CNTN4: variants seen among roughly 807,000 people sequenced by gnomAD.
CNTN4 encodes the protein contactin-4.
Under a neutral mutation model 122.5 loss-of-function variants are expected in CNTN4, and 77 were observed. The ratio of observed to expected loss-of-function variants is 0.63; its 90% CI spans 0.52 to 0.76. CNTN4 has a LOEUF of 0.76. Among genes scored for constraint, CNTN4 ranks in the 30% least tolerant of loss-of-function variants. CNTN4 has a pLI of 0.00. For synonymous variants in CNTN4, 512 were observed against 447.0 expected (o/e 1.15, Z -1.83); for missense variants, 1,256 against 1,259.1 (o/e 1.00, Z 0.04).
rs1202434960 is a variant in CNTN4 at position 2,887,115 on chromosome 3, T to A, written c.831T>A (p.Asn277Lys). The A allele has an allele frequency of 6.2e-7, 1 of 1,614,172 alleles. No individual in the cohort carries two copies. The highest frequency in any genetic ancestry group is 1.3e-5 in the African/African-American group (1 of 75,062). ...GGAAAGCCAGAAGACACAAGTCAAA[T>A]GGAATTCTTGAGATCCCTAATTTTC... ...IARKARRHKS[N>K]GILEIPNFQQ... Residue 277 changes from asparagine (N) to lysine (K), a missense_variant, in exon 10 of 25, where the codon AAT becomes AAA. Coordinates refer to ENST00000418658, the MANE Select transcript of CNTN4 (RefSeq NM_175607.3).
chr3:2,343,028 A>G (rs1413562229), intron 3 of CNTN4, among the ~76,000 whole-genome samples: 2 of 152,230 alleles, frequency 1.3e-5, no homozygotes, highest in Non-Finnish European at 2.9e-5. Flanking sequence ...TTGTGAATAC[A>G]CTAAAAACCA....
intron 3 of CNTN4, among the ~76,000 whole-genome samples, chr3:2,410,186 A>G (rs558730732): frequency 9.2e-5 from 14 of 152,320 alleles, no homozygotes; most frequent in South Asian, 6.2e-4. Context: ...ATCTTGGCCA[A>G]TGTAAGAAGA....
intron 20 of CNTN4, among the ~76,000 whole-genome samples, chr3:3,040,745 T>C (rs2323135): frequency 0.077 from 11,671 of 152,168 alleles, 650 homozygotes; most frequent in Admixed American, 0.11. Context: ...CTGACCAATA[T>C]GGAGAAAACC....
At position 2,849,986 on chromosome 3, in the gene CNTN4, C is replaced by CTTTTTTTT. The variant is rs746657018; in HGVS notation, c.455-16765_455-16758dup. ...CCATTTTGGAAAATGTTAGCAATCA[C>CTTTTTTTT]TTTTTTTTCTTTTTTTTTTCTGAGA... On this transcript the variant is annotated intron_variant, in intron 7 of 24. Coordinates refer to ENST00000418658, the MANE Select transcript of CNTN4 (RefSeq NM_175607.3). 8.5e-5 allele frequency among the ~76,000 whole-genome samples: 12 copies of CTTTTTTTT among 140,698 alleles called. 1 individual carries two copies. The highest frequency in any genetic ancestry group is 2.3e-4 in the South Asian group (1 of 4,408). 92.3% of individuals were successfully genotyped at this position (140,698 alleles called of 152,430 possible). A position where few individuals can be genotyped will look rare whatever the true frequency, so the allele number is the denominator to read the frequency against.
intron 5 of CNTN4, among the ~76,000 whole-genome samples, chr3:2,741,076 G>C (rs1241163403): frequency 6.6e-6 from 1 of 152,122 alleles, no homozygotes. Context: ...TGAAAAATAC[G>C]TCATATAGAC....
At chr3:2,213,199 T>A (rs1376472214) in intron 2 of CNTN4, among the ~76,000 whole-genome samples, 2 of 152,144 alleles carry the variant, frequency 1.3e-5, no homozygotes, top group Non-Finnish European at 2.9e-5. Context: ...AATTTATGGA[T>A]GAGGAAGTTG....
At chr3:3,005,959 C>T (rs1225763055) in intron 14 of CNTN4, among the ~76,000 whole-genome samples, 5 of 150,970 alleles carry the variant, frequency 3.3e-5, no homozygotes, top group South Asian at 2.1e-4. Context: ...GATCTCGGCT[C>T]ACTGCCAGCT....
intron 3 of CNTN4, among the ~76,000 whole-genome samples, chr3:2,430,751 A>G (rs1036204145): frequency 3.9e-5 from 6 of 152,154 alleles, no homozygotes; most frequent in Non-Finnish European, 8.8e-5. Flanking sequence ...GGCTAAGTAT[A>G]CCTATATTAT....
At chr3:2,511,675 TG>T in intron 3 of CNTN4, 1 of 152,358 alleles carries the variant, frequency 6.6e-6, no homozygotes, top group Non-Finnish European at 1.5e-5. Flanking sequence ...AAAGCGAAAC[TG>T]GGACATTTTA....
At chr3:3,053,724 C>G in intron 23 of CNTN4, 83 bp from the exon 24 acceptor site, 1 of 1,447,082 alleles carries the variant, frequency 6.9e-7, no homozygotes, top group South Asian at 1.1e-5. Context: ...TTGCTCGTGC[C>G]CAGAGGTGAA....
intron 2 of CNTN4, among the ~76,000 whole-genome samples, chr3:2,229,821 G>T (rs541179880): frequency 6.6e-6 from 1 of 152,176 alleles, no homozygotes; most frequent in Admixed American, 6.5e-5. Flanking sequence ...GGGTTTACAG[G>T]CCCATATCAA....
intron 3 of CNTN4, among the ~76,000 whole-genome samples, chr3:2,488,933 A>G (rs1397292696): frequency 2.0e-5 from 3 of 152,222 alleles, no homozygotes; most frequent in East Asian, 1.9e-4. Flanking sequence ...GTCTAGAATC[A>G]TAGATAAAAA....
At chr3:2,439,521 A>T (rs754879201) in intron 3 of CNTN4, among the ~76,000 whole-genome samples, 1 of 152,106 alleles carries the variant, frequency 6.6e-6, no homozygotes, top group Non-Finnish European at 1.5e-5. Flanking sequence ...TGAAAGAACT[A>T]TAGAGAGATA....
At chr3:2,406,991 A>C (rs2047061051) in intron 3 of CNTN4, among the ~76,000 whole-genome samples, 1 of 152,196 alleles carries the variant, frequency 6.6e-6, no homozygotes, top group African/African-American at 2.4e-5. Context: ...TTGAATCCAA[A>C]GTCTTAAATT....
chr3:2,975,688 A>G (rs1339085572), intron 13 of CNTN4, among the ~76,000 whole-genome samples: 1 of 152,152 alleles, frequency 6.6e-6, no homozygotes, highest in Non-Finnish European at 1.5e-5. Context: ...TTATTAAACT[A>G]TTCTTTTACA....
chr3:2,102,189 GGGAGGATTGGAA>G (rs1411429037), intron 2 of CNTN4, among the ~76,000 whole-genome samples: 2 of 152,204 alleles, frequency 1.3e-5, no homozygotes, highest in East Asian at 3.9e-4. Context: ...GAGTAAATGA[GGGAGGATTGGAA>G]GGACACTTTC....
rs2046809806 is a variant in CNTN4 at position 2,400,430 on chromosome 3, T to TTC, written c.-89+61197_-89+61198insTC. ...ATATATATATATATATATATATACA[T>TTC]ATATATATATATATATATATCTCTT... On this transcript the variant is annotated intron_variant, in intron 3 of 24. Transcript: ENST00000418658. Among the ~76,000 whole-genome samples, 2 of 68,554 alleles carry TTC rather than the reference T, an allele frequency of 2.9e-5. 1 individual carries two copies. Among genetic ancestry groups the TTC allele is most frequent in the Non-Finnish European group, 5.8e-5 (2 of 34,512 alleles). 45.0% of individuals were successfully genotyped at this position (68,554 alleles called of 152,430 possible).
intron 2 of CNTN4, chr3:2,239,119 A>T (rs925479294): frequency 5.3e-4 from 80 of 152,220 alleles, no homozygotes; most frequent in African/African-American, 1.8e-3. Flanking sequence ...CTGTTTTAAT[A>T]ACTTTTAATT....
At chr3:2,524,659 C>A (rs917198966) in intron 3 of CNTN4, among the ~76,000 whole-genome samples, 1 of 152,032 alleles carries the variant, frequency 6.6e-6, no homozygotes, top group Admixed American at 6.6e-5. Flanking sequence ...TTTTTAGTCT[C>A]TATAAAGTAA....
Sources: gnomAD v4.1 joint callset for allele counts (sites outside exome capture counted in the v4.1 genomes callset) on GRCh38, gnomAD v4.1.1 for gene constraint, MANE v1.5 for transcripts, NCBI Gene and HGNC (gene_info 2026-07-23, HGNC 2026-07-21) for gene names.